The following C10orf90 variants were observed in gnomAD, a reference collection of about 807,000 sequenced individuals.
C10orf90 encodes chromosome 10 open reading frame 90.
C10orf90 carries 56 observed loss-of-function variants against 62.5 expected under a neutral mutation model. The observed-to-expected ratio is 0.90, with a 90% CI of 0.72 to 1.12. C10orf90 has a LOEUF of 1.12. Among genes scored for constraint, C10orf90 ranks in the 50% most tolerant of loss-of-function variants. The probability of loss-of-function intolerance (pLI) is 0.00; values close to 1 mark genes in which losing one functional copy is unlikely to be tolerated. For missense variants in C10orf90, 970 were observed against 880.4 expected, an observed-to-expected ratio of 1.10 and a Z score of -1.29; for synonymous variants, 386 against 340.4, an observed-to-expected ratio of 1.13 and a Z score of -1.47.
chr10:126,426,137 C>A, intron 8 of C10orf90, 47 bp from the exon 9 acceptor site: 7 of 1,463,880 alleles, frequency 4.8e-6, no homozygotes, highest in Non-Finnish European at 6.7e-6. Flanking sequence ...TGACAGCGTG[C>A]TCCCGCTGTG....
intron 2 of C10orf90, among the ~76,000 whole-genome samples, chr10:126,596,761 T>C (rs1845095122): frequency 2.0e-5 from 3 of 152,316 alleles, no homozygotes; most frequent in South Asian, 2.1e-4. Context: ...TAGTTTCTAT[T>C]GAATGTGTAT....
intron 2 of C10orf90, among the ~76,000 whole-genome samples, chr10:126,629,475 G>T (rs1028626373): frequency 3.3e-5 from 5 of 152,218 alleles, no homozygotes; most frequent in Admixed American, 2.0e-4. Context: ...ATCAAGAAAG[G>T]TCTGTGCAGA....
At chr10:126,598,654 G>C (rs1591131865) in intron 2 of C10orf90, among the ~76,000 whole-genome samples, 1 of 152,142 alleles carries the variant, frequency 6.6e-6, no homozygotes, top group African/African-American at 2.4e-5. Context: ...ACTTGCAGTT[G>C]GTGTGTGAGC....
At chr10:126,440,829 T>A (rs1858261915) in intron 7 of C10orf90, among the ~76,000 whole-genome samples, 1 of 151,916 alleles carries the variant, frequency 6.6e-6, no homozygotes, top group Admixed American at 6.6e-5. Flanking sequence ...GCCACATTCA[T>A]AGGAAAAGGG....
chr10:126,483,149 T>C (rs1861251560), intron 4 of C10orf90, among the ~76,000 whole-genome samples: 2 of 152,372 alleles, frequency 1.3e-5, no homozygotes, highest in East Asian at 3.9e-4. Context: ...ACCAGGTTGA[T>C]AGCCTGTGGC....
At chr10:126,535,950 C>G (rs1864224234) in intron 2 of C10orf90, among the ~76,000 whole-genome samples, 1 of 152,136 alleles carries the variant, frequency 6.6e-6, no homozygotes, top group African/African-American at 2.4e-5. Context: ...CGTTACGGGG[C>G]AGGTGGAGCA....
chr10:126,624,533 A>G (rs1329602050), intron 2 of C10orf90, among the ~76,000 whole-genome samples: 1 of 152,202 alleles, frequency 6.6e-6, no homozygotes, highest in African/African-American at 2.4e-5. Context: ...AAAGGCTAAG[A>G]ACCAGACTTG....
intron 2 of C10orf90, among the ~76,000 whole-genome samples, chr10:126,615,400 T>C (rs1327306935): frequency 6.6e-6 from 1 of 152,162 alleles, no homozygotes; most frequent in East Asian, 1.9e-4. Flanking sequence ...GAATGGGATA[T>C]AGAGAACACT....
intron 2 of C10orf90, chr10:126,521,199 A>T: frequency 1.5e-6 from 2 of 1,367,316 alleles, no homozygotes; most frequent in Non-Finnish European, 2.0e-6. Flanking sequence ...CTGGGGCCTC[A>T]TACAGTACTG....
rs539874074 is a variant in C10orf90 at position 126,501,432 on chromosome 10, G to A, written c.1534+2525C>T. On this transcript the variant is annotated intron_variant, in intron 4 of 9. Transcript: ENST00000488181. Reference sequence around the variant, plus strand: ...TGAAGGTGTGCATTTGTAGGCATCCGAGGCAAGTGCCCCACAGCACACCCC... The same window carrying A: ...TGAAGGTGTGCATTTGTAGGCATCCAAGGCAAGTGCCCCACAGCACACCCC... Among the ~76,000 whole-genome samples, 149 of 152,110 alleles carry A rather than the reference G, an allele frequency of 9.8e-4. 2 individuals are homozygous for A. The highest frequency in any genetic ancestry group is 1.8e-3 in the Admixed American group (27 of 15,280).
At chr10:126,530,119 CA>C (rs1222354446) in intron 2 of C10orf90, among the ~76,000 whole-genome samples, 1 of 151,930 alleles carries the variant, frequency 6.6e-6, no homozygotes, top group Non-Finnish European at 1.5e-5. Context: ...CCCCTGAAAA[CA>C]ACAAAAATGT....
In C10orf90 at chr10:126,576,741, T is replaced by A. The variant is rs1301486123; in HGVS notation, c.314-62802A>T. 3.4e-3 allele frequency among the ~76,000 whole-genome samples: 224 copies of A among 65,346 alleles called. 14 individuals are homozygous for A. The highest frequency in any genetic ancestry group is 0.014 in the African/African-American group (205 of 15,054). 42.9% of individuals were successfully genotyped at this position (65,346 alleles called of 152,430 possible). On this transcript the variant is annotated intron_variant, in intron 2 of 9. Transcript: ENST00000488181. ...CAAGATATACATATATATGTATATGTATATATACATATAGATAATATGTAT... is the reference window on the plus strand; with the variant it reads ...CAAGATATACATATATATGTATATGAATATATACATATAGATAATATGTAT...
intron 4 of C10orf90, among the ~76,000 whole-genome samples, chr10:126,478,341 C>G (rs1861002175): frequency 6.6e-6 from 1 of 152,202 alleles, no homozygotes; most frequent in South Asian, 2.1e-4. Flanking sequence ...GGCTGATCGC[C>G]ATCCTGCTCC....
At chr10:126,478,278 C>T (rs1406189134) in intron 4 of C10orf90, among the ~76,000 whole-genome samples, 1 of 152,174 alleles carries the variant, frequency 6.6e-6, no homozygotes, top group Middle Eastern at 3.2e-3. Flanking sequence ...AAGTGGGTGA[C>T]GATGCACAGG....
chr10:126,529,669 A>G (rs1318864140), intron 2 of C10orf90, among the ~76,000 whole-genome samples: 1 of 152,210 alleles, frequency 6.6e-6, no homozygotes, highest in Non-Finnish European at 1.5e-5. Flanking sequence ...TGACAATAAG[A>G]GACCATTCCG....
chr10:126,629,042 C>A (rs559885865), intron 2 of C10orf90, among the ~76,000 whole-genome samples: 21 of 152,304 alleles, frequency 1.4e-4, no homozygotes, highest in African/African-American at 4.8e-4. Context: ...TGTGACACTG[C>A]CAATGCACAA....
chr10:126,550,698 T>C (rs997374052), intron 2 of C10orf90, among the ~76,000 whole-genome samples: 6 of 151,572 alleles, frequency 4.0e-5, no homozygotes. Flanking sequence ...TTAGTAGAAA[T>C]GGTGTTTCAC....
intron 2 of C10orf90, among the ~76,000 whole-genome samples, chr10:126,555,491 T>C (rs1864743727): frequency 6.9e-6 from 1 of 144,752 alleles, no homozygotes. Flanking sequence ...CTGGCCAACA[T>C]GGTGAAACCC....
rs954709303 is a variant in C10orf90 at position 126,670,601 on chromosome 10, G to A, written c.-121C>T. ...AGTGCCCCAGCTCGGACCTGTCCCA[G>A]TGTTTTCCAACTCCAGAGCTAGTTG... On this transcript the variant is annotated 5_prime_UTR_variant, in exon 1 of 10. Coordinates refer to ENST00000488181, the MANE Select transcript of C10orf90 (RefSeq NM_001350921.2). 2.8e-6 allele frequency: 1 copy of A among 362,950 alleles called. No individual in the cohort carries two copies. Among genetic ancestry groups the A allele is most frequent in the Non-Finnish European group, 5.4e-6 (1 of 186,254 alleles). The allele number at this position is 362,950 out of a possible 1,614,324, so 22.5% of individuals were successfully genotyped here. A position where few individuals can be genotyped will look rare whatever the true frequency, so the allele number is the denominator to read the frequency against.
Sources: gnomAD v4.1 joint callset for allele counts (sites outside exome capture counted in the v4.1 genomes callset) on GRCh38, gnomAD v4.1.1 for gene constraint, MANE v1.5 for transcripts, NCBI Gene and HGNC (gene_info 2026-07-23, HGNC 2026-07-21) for gene names.